The following GRM7 variants were observed in gnomAD, a reference collection of about 807,000 sequenced individuals.
GRM7 encodes glutamate metabotropic receptor 7, also known as metabotropic glutamate receptor 7.
A neutral mutation model predicts 84.5 loss-of-function variants in GRM7; 35 were observed. That is an observed-to-expected ratio of 0.41 (90% CI 0.32 to 0.55). The LOEUF (loss-of-function observed/expected upper bound fraction) is 0.55, where lower values mean the gene tolerates loss of function less well. Among genes scored for constraint, GRM7 ranks in the 20% least tolerant of loss-of-function variants. The pLI, the probability that GRM7 is intolerant of heterozygous loss-of-function variation, is 0.19. For synonymous variants in GRM7, 487 were observed against 455.1 expected (o/e 1.07, Z -0.89); for missense variants, 1,003 against 1,194.6 (o/e 0.84, Z 2.36).
chr3:7,010,725 G>T (rs1695340764), intron 1 of GRM7, among the ~76,000 whole-genome samples: 1 of 152,128 alleles, frequency 6.6e-6, no homozygotes, highest in African/African-American at 2.4e-5. Flanking sequence ...AGGCCGATGA[G>T]GATTTTGTCC....
rs140637063 is a variant in GRM7, at chr3:6,893,429, T to A, written c.519+31522T>A. On this transcript the variant is annotated intron_variant, in intron 1 of 9. Transcript: ENST00000357716. ...CTATTGGTAACTGTTGAGAAACTCA[T>A]AACGTGAATCCTAATTCGGCCTCTA... Among the ~76,000 whole-genome samples the A allele has an allele frequency of 3.6e-3, 554 of 152,322 alleles. 6 individuals carry two copies. The highest frequency in any genetic ancestry group is 0.013 in the African/African-American group (523 of 41,576).
intron 8 of GRM7, among the ~76,000 whole-genome samples, chr3:7,609,733 G>A (rs1696758835): frequency 6.6e-6 from 1 of 152,120 alleles, no homozygotes; most frequent in African/African-American, 2.4e-5. Flanking sequence ...AAGCATGCAG[G>A]GCTAGAAATA....
intron 8 of GRM7, among the ~76,000 whole-genome samples, chr3:7,599,242 AT>A (rs1451341445): frequency 6.6e-6 from 1 of 151,960 alleles, no homozygotes; most frequent in Non-Finnish European, 1.5e-5. Context: ...TTAGTTCTTG[AT>A]TTTTTATTGT....
At chr3:7,682,336 CAAAAAAAAAAAAAA>C (rs905940773) in intron 9 of GRM7, 1 of 51,098 alleles carries the variant, frequency 2.0e-5, no homozygotes, top group East Asian at 6.7e-4. Flanking sequence ...AACTCCATCT[CAAAAAAAAAAAAAA>C]AAAAAAGAAA....
intron 9 of GRM7, among the ~76,000 whole-genome samples, chr3:7,685,541 C>A (rs546884376): frequency 3.9e-5 from 6 of 152,108 alleles, no homozygotes; most frequent in Non-Finnish European, 5.9e-5. Flanking sequence ...AGAGACTGGA[C>A]ATAGACTACC....
intron 9 of GRM7, among the ~76,000 whole-genome samples, chr3:7,739,358 T>C (rs1702612906): frequency 6.6e-6 from 1 of 152,208 alleles, no homozygotes; most frequent in East Asian, 1.9e-4. Context: ...CTTGAAGAGC[T>C]CTTGACATTT....
intron 2 of GRM7, among the ~76,000 whole-genome samples, chr3:7,255,155 A>ATTC (rs142382793): frequency 0.029 from 4,421 of 152,302 alleles, 227 homozygotes; most frequent in African/African-American, 0.1. Flanking sequence ...GATCCAGTAG[A>ATTC]TTCTCTTCAA....
At chr3:7,674,943 C>G (rs1700067645) in intron 8 of GRM7, among the ~76,000 whole-genome samples, 2 of 152,178 alleles carry the variant, frequency 1.3e-5, no homozygotes, top group African/African-American at 2.4e-5. Context: ...CATATACAGC[C>G]TATCTGAAAA....
intron 1 of GRM7, among the ~76,000 whole-genome samples, chr3:7,105,262 C>T (rs1699252109): frequency 6.6e-6 from 1 of 151,718 alleles, no homozygotes; most frequent in Non-Finnish European, 1.5e-5. Flanking sequence ...TGACCCAGAA[C>T]AATCCAGCAA....
At chr3:7,124,372 G>C (rs1272687984) in intron 1 of GRM7, among the ~76,000 whole-genome samples, 3 of 152,158 alleles carry the variant, frequency 2.0e-5, no homozygotes, top group African/African-American at 7.2e-5. Context: ...CAGGCATGGT[G>C]GCTCACGCTT....
At chr3:7,691,058 C>A in intron 9 of GRM7, 1 of 433,760 alleles carries the variant, frequency 2.3e-6, no homozygotes, top group Non-Finnish European at 4.5e-6. Context: ...TTTGGCTGTA[C>A]AGTGGAACTT....
At chr3:7,396,214 T>C (rs1232898285) in intron 4 of GRM7, among the ~76,000 whole-genome samples, 1 of 152,082 alleles carries the variant, frequency 6.6e-6, no homozygotes, top group Non-Finnish European at 1.5e-5. Flanking sequence ...AGTAAGAACC[T>C]TTAAAAAATC....
chr3:7,594,938 CTGTGTG>C (rs3840238), intron 8 of GRM7, among the ~76,000 whole-genome samples: 3 of 150,002 alleles, frequency 2.0e-5, no homozygotes, highest in African/African-American at 7.3e-5. Flanking sequence ...GTCTTCCTTT[CTGTGTG>C]TGTGTGTGTG....
intron 2 of GRM7, 79 bp downstream of exon 2, chr3:7,146,747 A>G: frequency 1.1e-6 from 1 of 941,272 alleles, no homozygotes; most frequent in Non-Finnish European, 1.7e-6. Flanking sequence ...ACTTCATTAA[A>G]TAAACACTAC....
chr3:7,401,935 A>T (rs780337090), intron 4 of GRM7, among the ~76,000 whole-genome samples: 3 of 152,190 alleles, frequency 2.0e-5, no homozygotes, highest in Non-Finnish European at 2.9e-5. Context: ...TTATTATAAG[A>T]ATAAATGGAT....
chr3:6,971,150 A>G (rs1693736584), intron 1 of GRM7, among the ~76,000 whole-genome samples: 1 of 151,696 alleles, frequency 6.6e-6, no homozygotes, highest in African/African-American at 2.4e-5. Flanking sequence ...CATGAAAGTA[A>G]AACTGCAGCA....
chr3:7,092,583 A>T (rs1413131196), intron 1 of GRM7, among the ~76,000 whole-genome samples: 1 of 131,318 alleles, frequency 7.6e-6, no homozygotes, highest in East Asian at 2.3e-4. Context: ...TTTCAGCTGT[A>T]AAAATGTTCT....
intron 1 of GRM7, among the ~76,000 whole-genome samples, chr3:6,926,065 A>G (rs570932885): frequency 1.3e-5 from 2 of 151,862 alleles, no homozygotes; most frequent in East Asian, 3.9e-4. Flanking sequence ...ACCCCCCAAA[A>G]CCTCCCACAC....
chr3:7,571,103 C>G (rs1363108299), intron 7 of GRM7, among the ~76,000 whole-genome samples: 1 of 152,174 alleles, frequency 6.6e-6, no homozygotes, highest in Middle Eastern at 3.2e-3. Flanking sequence ...CATGAAACCA[C>G]TTTTTCCACC....
Sources: gnomAD v4.1 joint callset for allele counts (sites outside exome capture counted in the v4.1 genomes callset) on GRCh38, gnomAD v4.1.1 for gene constraint, MANE v1.5 for transcripts, NCBI Gene and HGNC (gene_info 2026-07-23, HGNC 2026-07-21) for gene names.